Variants in TTLL5 observed in about 807,000 individuals in gnomAD.
TTLL5 encodes tubulin tyrosine ligase like 5, also known as tubulin polyglutamylase TTLL5.
A neutral mutation model predicts 168.4 loss-of-function variants in TTLL5; 132 were observed. That is an observed-to-expected ratio of 0.78 (90% CI 0.68 to 0.91). TTLL5 has a LOEUF of 0.91. TTLL5 is among the 40% of genes least tolerant of loss of function. The probability of loss-of-function intolerance (pLI) is 0.00; values close to 1 mark genes in which losing one functional copy is unlikely to be tolerated. For synonymous variants in TTLL5, 546 were observed against 558.6 expected (o/e 0.98, Z 0.32); for missense variants, 1,545 against 1,581.5 (o/e 0.98, Z 0.39).
At chr14:75,946,814 A>G (rs183546546) in intron 31 of TTLL5, among the ~76,000 whole-genome samples, 128 of 152,310 alleles carry the variant, frequency 8.4e-4, no homozygotes, top group African/African-American at 2.9e-3. Flanking sequence ...TAAATAAAGT[A>G]GAGAAAGTGG....
chr14:75,899,719 C>T (rs571360672), intron 30 of TTLL5, among the ~76,000 whole-genome samples: 1 of 152,140 alleles, frequency 6.6e-6, no homozygotes, highest in East Asian at 1.9e-4. Flanking sequence ...AACCAGGGAC[C>T]ATAGGGTTAG....
intron 6 of TTLL5, among the ~76,000 whole-genome samples, chr14:75,693,572 T>C (rs1448559743): frequency 6.6e-6 from 1 of 152,246 alleles, no homozygotes; most frequent in Non-Finnish European, 1.5e-5. Flanking sequence ...CTGCCATCAC[T>C]GCCAGTTACA....
chr14:75,791,105 C>CAAAAAAAAAAAAAAAAAAAAA (rs372035829), intron 26 of TTLL5, among the ~76,000 whole-genome samples: 19 of 77,258 alleles, frequency 2.5e-4, no homozygotes, highest in African/African-American at 1.4e-3. Flanking sequence ...GACTCTGTCT[C>CAAAAAAAAAAAAAAAAAAAAA]AAAAAAAAAA....
chr14:75,765,187 A>G (rs948140727), intron 19 of TTLL5, among the ~76,000 whole-genome samples: 25 of 152,136 alleles, frequency 1.6e-4, no homozygotes, highest in African/African-American at 5.3e-4. Flanking sequence ...AGCTTCTACA[A>G]TGTTGTAGGT....
chr14:75,809,783 CT>C (rs1893885304), intron 27 of TTLL5, among the ~76,000 whole-genome samples: 1 of 152,150 alleles, frequency 6.6e-6, no homozygotes, highest in African/African-American at 2.4e-5. Context: ...GAAATCCACT[CT>C]TTTAGTTCCC....
intron 28 of TTLL5, among the ~76,000 whole-genome samples, chr14:75,845,216 A>T (rs1896478810): frequency 6.6e-6 from 1 of 152,052 alleles, no homozygotes; most frequent in South Asian, 2.1e-4. Context: ...TTTTTTTCTT[A>T]ATTTAAAAAA....
At chr14:75,951,641 G>A (rs547503222) in intron 31 of TTLL5, among the ~76,000 whole-genome samples, 1 of 152,126 alleles carries the variant, frequency 6.6e-6, no homozygotes, top group East Asian at 1.9e-4. Context: ...ACATGCCTGT[G>A]GTCCCAGCTA....
intron 27 of TTLL5, among the ~76,000 whole-genome samples, chr14:75,817,329 C>T (rs1894490002): frequency 6.6e-6 from 1 of 152,220 alleles, no homozygotes; most frequent in Non-Finnish European, 1.5e-5. Context: ...CTTGTAGAAG[C>T]AGTAGGGGAC....
At chr14:75,868,588 CT>C (rs1298171832) in intron 29 of TTLL5, among the ~76,000 whole-genome samples, 3 of 152,174 alleles carry the variant, frequency 2.0e-5, no homozygotes, top group Non-Finnish European at 4.4e-5. Flanking sequence ...ATCAAGAGGT[CT>C]TTCAGTTTGC....
chr14:75,929,077 A>G (rs1325611476), intron 31 of TTLL5, among the ~76,000 whole-genome samples: 1 of 148,120 alleles, frequency 6.8e-6, no homozygotes, highest in African/African-American at 2.5e-5. Flanking sequence ...CATTGTACAC[A>G]AGGAGGGAAT....
intron 3 of TTLL5, among the ~76,000 whole-genome samples, chr14:75,680,030 T>C (rs1490946041): frequency 6.6e-6 from 1 of 152,254 alleles, no homozygotes; most frequent in Non-Finnish European, 1.5e-5. Flanking sequence ...AATATTGTTC[T>C]AGAGTCTGTC....
chr14:75,902,306 A>G (rs1211731944), intron 31 of TTLL5, 82 bp downstream of exon 31: 18 of 1,388,812 alleles, frequency 1.3e-5, no homozygotes, highest in Middle Eastern at 1.8e-4. Context: ...TCTGCCTCCA[A>G]AGAGAGCCCC....
chr14:75,846,226 T>C (rs1240842557), intron 28 of TTLL5, among the ~76,000 whole-genome samples: 1 of 152,188 alleles, frequency 6.6e-6, no homozygotes, highest in South Asian at 2.1e-4. Flanking sequence ...TTTTTTTAAA[T>C]AGATATAAAC....
At chr14:75,675,561 G>A (rs931875786) in intron 3 of TTLL5, among the ~76,000 whole-genome samples, 1 of 152,226 alleles carries the variant, frequency 6.6e-6, no homozygotes, top group Non-Finnish European at 1.5e-5. Context: ...TGCATGTTAA[G>A]AGGCTTAGAA....
chr14:75,882,557 C>A, intron 29 of TTLL5, 128 bp from the exon 30 acceptor site: 2 of 806,928 alleles, frequency 2.5e-6, no homozygotes, highest in Non-Finnish European at 1.9e-6. Context: ...AGAAGTTTTT[C>A]CTTAAAAAAA....
intron 7 of TTLL5, among the ~76,000 whole-genome samples, chr14:75,703,176 G>A (rs561000291): frequency 1.3e-5 from 2 of 152,318 alleles, no homozygotes; most frequent in East Asian, 3.9e-4. Flanking sequence ...TCTGGGAGCA[G>A]AACTAATGTG....
chr14:75,666,000 C>T lies in TTLL5; in HGVS notation c.74+2777C>T, dbSNP rs527504842. Reference sequence around the variant, plus strand: ...TTAGTGAAAATAAAGGTGTAATTTTCCCTCTGCTCCCATCCAAATTTATGG... The same window carrying T: ...TTAGTGAAAATAAAGGTGTAATTTTTCCTCTGCTCCCATCCAAATTTATGG... On this transcript the variant is annotated intron_variant, in intron 2 of 31. Transcript: ENST00000298832. Among the ~76,000 whole-genome samples, 111 of 152,300 alleles carry T rather than the reference C, an allele frequency of 7.3e-4. 3 individuals carry two copies. The South Asian group carries it at 0.022, about 30-fold the overall frequency.
At chr14:75,865,925 T>G (rs2030478480) in intron 29 of TTLL5, among the ~76,000 whole-genome samples, 1 of 152,210 alleles carries the variant, frequency 6.6e-6, no homozygotes, top group African/African-American at 2.4e-5. Context: ...TCATTCATCA[T>G]AATTGTATAT....
chr14:75,783,390 C>G lies in TTLL5; in HGVS notation c.2846C>G (p.Pro949Arg). Reference protein sequence around the residue: ...VSASASPCLHPGAQNIPSPTG... With the variant: ...VSASASPCLHRGAQNIPSPTG... ...GCCAGTGCTTCTCCCTGCCTACATC[C>G]CGGGGCACAGAACATCCCAAGCCCT... The change falls in exon 26 of 32, where the codon CCC (proline) becomes CGC (arginine). Residue 949 changes from proline (P) to arginine (R), a missense_variant. Coordinates refer to ENST00000298832, the MANE Select transcript of TTLL5 (RefSeq NM_015072.5). 6.2e-7 allele frequency: 1 copy of G among 1,614,196 alleles called. No individual in the cohort carries two copies. The highest frequency in any genetic ancestry group is 8.5e-7 in the Non-Finnish European group (1 of 1,180,040).
Sources: allele counts gnomAD v4.1 joint callset (sites outside exome capture counted in the v4.1 genomes callset), GRCh38; gene constraint gnomAD v4.1.1; transcripts MANE v1.5; gene names NCBI Gene and HGNC (gene_info 2026-07-23, HGNC 2026-07-21).